Variants in IL1RAPL1 observed in about 807,000 individuals in gnomAD.
IL1RAPL1 encodes the protein interleukin-1 receptor accessory protein-like 1.
A neutral mutation model predicts 48.4 loss-of-function variants in IL1RAPL1; 3 were observed. The ratio of observed to expected loss-of-function variants is 0.06; its 90% CI spans 0.03 to 0.16. The LOEUF (loss-of-function observed/expected upper bound fraction) is 0.16. Among genes scored for constraint, IL1RAPL1 ranks in the 10% least tolerant of loss-of-function variants. The pLI is 1.00. For synonymous variants in IL1RAPL1, 185 were observed against 187.7 expected, an observed-to-expected ratio of 0.99 and a Z score of 0.12; for missense variants, 349 against 530.6, an observed-to-expected ratio of 0.66 and a Z score of 3.36.
At chrX:29,728,895 A>T (rs1428819602) in intron 6 of IL1RAPL1, among the ~76,000 whole-genome samples, 1 of 111,334 alleles carries the variant, frequency 9.0e-6, no homozygotes, top group Non-Finnish European at 1.9e-5. Context: ...GAATACCTTG[A>T]GGCTGGTCAA....
chrX:28,630,840 C>G (rs1475265864), intron 1 of IL1RAPL1, among the ~76,000 whole-genome samples: 1 of 111,617 alleles, frequency 9.0e-6, no homozygotes, highest in Non-Finnish European at 1.9e-5. Flanking sequence ...TTAATTCATT[C>G]AGAAATGTTC....
At chrX:28,895,664 A>G (rs1282880947) in intron 2 of IL1RAPL1, among the ~76,000 whole-genome samples, 1 of 111,208 alleles carries the variant, frequency 9.0e-6, no homozygotes, top group Non-Finnish European at 1.9e-5. Context: ...AGAGGTTTAG[A>G]AGCCTGGCTG....
At chrX:29,023,805 T>G (rs1003236934) in intron 2 of IL1RAPL1, among the ~76,000 whole-genome samples, 3 of 111,990 alleles carry the variant, frequency 2.7e-5, no homozygotes, top group Non-Finnish European at 5.7e-5. Flanking sequence ...TAGCAGTGTT[T>G]TATATCCACC....
intron 3 of IL1RAPL1, among the ~76,000 whole-genome samples, chrX:29,394,880 T>C (rs985269246): frequency 8.9e-6 from 1 of 112,291 alleles, no homozygotes; most frequent in Non-Finnish European, 1.9e-5. Context: ...AACCATCTAA[T>C]TTTGTGGAAA....
chrX:29,477,204 G>GAT (rs1934987490), intron 5 of IL1RAPL1, among the ~76,000 whole-genome samples: 1 of 111,291 alleles, frequency 9.0e-6, no homozygotes. Context: ...GGAAAAAATA[G>GAT]GATTCATCTC....
At position 29,766,327 on chromosome X, in the gene IL1RAPL1, C is replaced by CAAAAAAAA. The variant is rs1220003136; in HGVS notation, c.778+97832_778+97839dup. On this transcript the variant is annotated intron_variant, in intron 6 of 10. Transcript: ENST00000378993. ...TGGGAGACAGAGTGAGACTCCGTCT[C>CAAAAAAAA]AAAAAAAAAAAAAAAATATATATAT... Among the ~76,000 whole-genome samples the CAAAAAAAA allele has an allele frequency of 3.9e-4, 10 of 25,639 alleles. 1 individual carries two copies. Among genetic ancestry groups the CAAAAAAAA allele is most frequent in the African/African-American group, 1.9e-3 (9 of 4,735 alleles). The allele number at this position is 25,639 out of a possible 115,157, so 22.3% of individuals were successfully genotyped here.
chrX:29,129,656 G>A (rs1180742129), intron 2 of IL1RAPL1, among the ~76,000 whole-genome samples: 3 of 91,190 alleles, frequency 3.3e-5, no homozygotes, highest in African/African-American at 1.2e-4. Context: ...GTGCAGTGGC[G>A]CGATCTCGGC....
chrX:29,089,749 A>AATATATATATATAT (rs1159198583), intron 2 of IL1RAPL1, among the ~76,000 whole-genome samples: 544 of 16,912 alleles, frequency 0.032, 37 homozygotes, highest in East Asian at 0.071. Context: ...GAGAAATATG[A>AATATATATATATAT]ATATATATAT....
At chrX:29,100,870 ACACT>A (rs888878381) in intron 2 of IL1RAPL1, among the ~76,000 whole-genome samples, 7 of 112,096 alleles carry the variant, frequency 6.2e-5, no homozygotes, top group East Asian at 2.8e-4. Context: ...CAAAAATTAA[ACACT>A]CAATAAATAG....
At chrX:28,724,176 C>G (rs1457230907) in intron 1 of IL1RAPL1, among the ~76,000 whole-genome samples, 1 of 111,424 alleles carries the variant, frequency 9.0e-6, no homozygotes, top group Admixed American at 9.6e-5. Context: ...ATTGATCCGT[C>G]TAATGTTGAC....
chrX:29,360,032 A>T (rs1222843504), intron 3 of IL1RAPL1, among the ~76,000 whole-genome samples: 1 of 111,412 alleles, frequency 9.0e-6, no homozygotes, highest in Admixed American at 9.6e-5. Flanking sequence ...GGGGGTGGGG[A>T]GCTCACCAAT....
At chrX:29,264,458 T>TA (rs1931916985) in intron 2 of IL1RAPL1, among the ~76,000 whole-genome samples, 2 of 110,242 alleles carry the variant, frequency 1.8e-5, no homozygotes, top group Admixed American at 1.9e-4. Context: ...AGAAGGGAAA[T>TA]TTACTAAGTT....
intron 8 of IL1RAPL1, among the ~76,000 whole-genome samples, chrX:29,938,605 A>T (rs2070967218): frequency 8.9e-6 from 1 of 112,502 alleles, no homozygotes; most frequent in Non-Finnish European, 1.9e-5. Flanking sequence ...TTGAAATATG[A>T]TTCACATAAT....
intron 1 of IL1RAPL1, among the ~76,000 whole-genome samples, chrX:28,783,972 C>T (rs1188134241): frequency 9.0e-6 from 1 of 111,455 alleles, no homozygotes; most frequent in East Asian, 2.8e-4. Flanking sequence ...TCATTTTGTA[C>T]CTCAGTATTT....
At chrX:29,906,075 A>AAGAC (rs968586434) in intron 6 of IL1RAPL1, among the ~76,000 whole-genome samples, 1 of 110,349 alleles carries the variant, frequency 9.1e-6, no homozygotes, top group Non-Finnish European at 1.9e-5. Context: ...ATATAGTTCA[A>AAGAC]AGACAGTAAA....
At chrX:29,802,832 T>TGTGTAC (rs1929984326) in intron 6 of IL1RAPL1, among the ~76,000 whole-genome samples, 23 of 76,098 alleles carry the variant, frequency 3.0e-4, no homozygotes, top group African/African-American at 1.4e-3. Context: ...TATGTATACA[T>TGTGTAC]ATATGTATAC....
intron 3 of IL1RAPL1, among the ~76,000 whole-genome samples, chrX:29,370,399 CT>C (rs1050657626): frequency 2.7e-5 from 3 of 110,142 alleles, no homozygotes; most frequent in Non-Finnish European, 3.8e-5. Context: ...AAATAGTACA[CT>C]TTTCCACAAG....
At chrX:28,976,175 A>G (rs916255570) in intron 2 of IL1RAPL1, among the ~76,000 whole-genome samples, 8 of 112,092 alleles carry the variant, frequency 7.1e-5, no homozygotes, top group African/African-American at 2.6e-4. Context: ...TTTTGAAAGG[A>G]TAACTCTGGC....
intron 6 of IL1RAPL1, among the ~76,000 whole-genome samples, chrX:29,899,787 A>G (rs1317249390): frequency 2.7e-5 from 3 of 109,646 alleles, no homozygotes; most frequent in African/African-American, 1.0e-4. Context: ...CAAGTGATCC[A>G]CCCACCTCAA....
Sources: allele counts gnomAD v4.1 joint callset (sites outside exome capture counted in the v4.1 genomes callset), GRCh38; gene constraint gnomAD v4.1.1; transcripts MANE v1.5; gene names NCBI Gene and HGNC (gene_info 2026-07-23, HGNC 2026-07-21).